KIRREL3: variants seen among roughly 807,000 people sequenced by gnomAD.
The protein encoded by KIRREL3 is kin of IRRE-like protein 3.
KIRREL3 carries 36 observed loss-of-function variants against 89.7 expected under a neutral mutation model. The ratio of observed to expected loss-of-function variants is 0.40; its 90% confidence interval spans 0.31 to 0.53. The LOEUF (loss-of-function observed/expected upper bound fraction) is 0.53. Ranked by LOEUF, KIRREL3 falls within the 20% of genes least tolerant of loss-of-function variation. KIRREL3 has a pLI of 0.49. For missense variants in KIRREL3, 864 were observed against 1,056.6 expected (o/e 0.82, Z 2.53); for synonymous variants, 445 against 441.4 (o/e 1.01, Z -0.10).
chr11:126,632,425 T>C (rs1224253724), intron 1 of KIRREL3, among the ~76,000 whole-genome samples: 1 of 152,234 alleles, frequency 6.6e-6, no homozygotes, highest in African/African-American at 2.4e-5. Context: ...TGTCCACACA[T>C]GAGATTATTA....
chr11:126,507,434 C>T (rs907949636), intron 4 of KIRREL3, among the ~76,000 whole-genome samples: 1 of 152,190 alleles, frequency 6.6e-6, no homozygotes, highest in African/African-American at 2.4e-5. Flanking sequence ...CTCAACACCT[C>T]CTTTCCCTAG....
intron 1 of KIRREL3, among the ~76,000 whole-genome samples, chr11:126,887,562 C>T (rs909415162): frequency 5.9e-5 from 9 of 152,142 alleles, no homozygotes; most frequent in African/African-American, 1.4e-4. Flanking sequence ...GGGATCTGGG[C>T]TGGCTTACTG....
In KIRREL3 at chr11:126,630,345, T is replaced by C. The variant is rs557748680; in HGVS notation, c.56-67433A>G. Among the ~76,000 whole-genome samples the C allele has an allele frequency of 4.6e-5, 7 of 152,358 alleles. No homozygotes were observed. In the South Asian group the frequency reaches 1.2e-3, roughly 27 times the overall value. On this transcript the variant is annotated intron_variant, in intron 1 of 16. Transcript: ENST00000525144. ...ATTTTATAGACAAGGCCACTGTGGT[T>C]GAGTGACTTACCCAGAATCTAAGAG...
At chr11:126,511,097 T>C (rs1170306510) in intron 4 of KIRREL3, among the ~76,000 whole-genome samples, 1 of 148,458 alleles carries the variant, frequency 6.7e-6, no homozygotes, top group African/African-American at 2.5e-5. Context: ...CAGAGAGTTG[T>C]TGGTTGTGCC....
rs61898735 is a variant in KIRREL3 at position 126,523,846 on chromosome 11, T to G, written c.284-2382A>C. Among the ~76,000 whole-genome samples the G allele has an allele frequency of 6.6e-6, 1 of 152,198 alleles. No individual in the cohort carries two copies. Among genetic ancestry groups the G allele is most frequent in the Non-Finnish European group, 1.5e-5 (1 of 68,028 alleles). Reference sequence around the variant, plus strand: ...GGCTGGAGCTTCTGTTTCTGTTGTCTTGCAAGCTATCAGCAGCAGGATTTT... The same window carrying G: ...GGCTGGAGCTTCTGTTTCTGTTGTCGTGCAAGCTATCAGCAGCAGGATTTT... On this transcript the variant is annotated intron_variant, in intron 3 of 16. Transcript: ENST00000525144. The surrounding 1 kb of genome is among the most constrained non-coding windows in gnomAD (Gnocchi z 4.9).
In KIRREL3 at chr11:126,686,189, C is replaced by A. The variant is rs1946658452; in HGVS notation, c.56-123277G>T. Among the ~76,000 whole-genome samples the A allele has an allele frequency of 6.6e-6, 1 of 152,182 alleles. No individual in the cohort carries two copies. ...TTTGTGTTGAGCTTCTCCTCCACAGCCCACCCACCTGCAGGGGCTTTCTCA... is the reference window on the plus strand; with the variant it reads ...TTTGTGTTGAGCTTCTCCTCCACAGACCACCCACCTGCAGGGGCTTTCTCA... On this transcript the variant is annotated intron_variant, in intron 1 of 16. Coordinates refer to ENST00000525144, the MANE Select transcript of KIRREL3 (RefSeq NM_032531.4). This position sits in a 1 kb window ranked among gnomAD's most constrained non-coding sequence, Gnocchi z 4.7.
At chr11:126,956,674 T>C (rs923772402) in intron 1 of KIRREL3, among the ~76,000 whole-genome samples, 4 of 152,218 alleles carry the variant, frequency 2.6e-5, no homozygotes, top group African/African-American at 9.7e-5. Context: ...CATTAATTTG[T>C]TTAATTTATT....
chr11:126,584,941 CAG>C (rs1941747702), intron 1 of KIRREL3, among the ~76,000 whole-genome samples: 2 of 150,590 alleles, frequency 1.3e-5, no homozygotes, highest in African/African-American at 2.4e-5. Flanking sequence ...TATTTTGAGA[CAG>C]AGTCTCACTC....
intron 1 of KIRREL3, among the ~76,000 whole-genome samples, chr11:126,854,242 A>T (rs1012915582): frequency 2.0e-5 from 3 of 151,944 alleles, no homozygotes; most frequent in African/African-American, 7.3e-5. Flanking sequence ...AATGCACTAA[A>T]ATAAAATTTA....
chr11:126,784,004 T>G (rs370221892), intron 1 of KIRREL3, among the ~76,000 whole-genome samples: 2 of 152,212 alleles, frequency 1.3e-5, no homozygotes, highest in African/African-American at 4.8e-5. Context: ...GAAAAGAGCA[T>G]CAAACAAATC....
chr11:126,450,208 T>C (rs1018230503), intron 7 of KIRREL3, among the ~76,000 whole-genome samples: 3 of 152,002 alleles, frequency 2.0e-5, no homozygotes, highest in African/African-American at 7.2e-5. Flanking sequence ...TTCATGTGAA[T>C]GTGTGCATGT....
In KIRREL3 at chr11:126,489,604, G is replaced by C. The variant is rs1381232463; in HGVS notation, c.434-16138C>G. 6.6e-6 allele frequency among the ~76,000 whole-genome samples: 1 copy of C among 152,148 alleles called. No individual in the cohort carries two copies. Among genetic ancestry groups the C allele is most frequent in the African/African-American group, 2.4e-5 (1 of 41,428 alleles). Reference sequence around the variant, plus strand: ...GATGCAGATGTGTGAATCACCATAAGTTTGGACCCAGGACAGCTGGTGTCC... The same window carrying C: ...GATGCAGATGTGTGAATCACCATAACTTTGGACCCAGGACAGCTGGTGTCC... On this transcript the variant is annotated intron_variant, in intron 4 of 16. Coordinates refer to ENST00000525144, the MANE Select transcript of KIRREL3 (RefSeq NM_032531.4). The surrounding 1 kb of genome is among the most constrained non-coding windows in gnomAD (Gnocchi z 5.5).
At chr11:126,714,618 C>T (rs1436893236) in intron 1 of KIRREL3, among the ~76,000 whole-genome samples, 1 of 152,184 alleles carries the variant, frequency 6.6e-6, no homozygotes, top group Non-Finnish European at 1.5e-5. Flanking sequence ...AATTTCCTCA[C>T]TTCTCCTTGG....
chr11:126,631,126 T>TG (rs1429956561), intron 1 of KIRREL3, among the ~76,000 whole-genome samples: 968 of 32,608 alleles, frequency 0.03, 15 homozygotes, highest in African/African-American at 0.081. Flanking sequence ...TATGTATGTA[T>TG]TCATTCATTC....
chr11:126,701,256 T>A (rs975242200), intron 1 of KIRREL3, among the ~76,000 whole-genome samples: 2 of 152,198 alleles, frequency 1.3e-5, no homozygotes, highest in Non-Finnish European at 2.9e-5. Flanking sequence ...GATGAATTCC[T>A]GGGTATGCCA....
intron 1 of KIRREL3, among the ~76,000 whole-genome samples, chr11:126,868,189 CAT>C (rs1944985214): frequency 1.3e-5 from 2 of 152,110 alleles, no homozygotes; most frequent in Non-Finnish European, 2.9e-5. Flanking sequence ...ATACCACACA[CAT>C]GGAGGATGAG....
intron 1 of KIRREL3, among the ~76,000 whole-genome samples, chr11:126,886,504 G>C (rs78529473): frequency 6.6e-6 from 1 of 152,150 alleles, no homozygotes; most frequent in African/African-American, 2.4e-5. Context: ...TAAACTGAAG[G>C]TCTTCTGCCT....
chr11:126,657,248 T>TTAAA (rs1032242355), intron 1 of KIRREL3, among the ~76,000 whole-genome samples: 97 of 30,370 alleles, frequency 3.2e-3, no homozygotes, highest in East Asian at 5.4e-3. Context: ...AAATAAATAA[T>TTAAA]TAAATAAATA....
chr11:126,931,827 G>C lies in KIRREL3; in HGVS notation c.55+68628C>G, dbSNP rs1947961345. ...TGATGCTAGTAACTGAGGGCTGCCA[G>C]CACCCAGGGAGCCCCAGGACACGTG... On this transcript the variant is annotated intron_variant, in intron 1 of 16. Coordinates refer to ENST00000525144, the MANE Select transcript of KIRREL3 (RefSeq NM_032531.4). The surrounding 1 kb of genome is among the most constrained non-coding windows in gnomAD (Gnocchi z 5.1). Among the ~76,000 whole-genome samples, 1 of 152,160 alleles carries C rather than the reference G, an allele frequency of 6.6e-6. No individual in the cohort carries two copies. Among genetic ancestry groups the C allele is most frequent in the South Asian group, 2.1e-4 (1 of 4,830 alleles).
Sources: gnomAD v4.1 joint callset for allele counts (sites outside exome capture counted in the v4.1 genomes callset) on GRCh38, gnomAD v4.1.1 for gene constraint, Gnocchi (gnomAD v3.1) non-coding constraint, MANE v1.5 for transcripts, NCBI Gene and HGNC (gene_info 2026-07-23, HGNC 2026-07-21) for gene names.